The following PDE7B variants were observed in gnomAD, a reference collection of about 807,000 sequenced individuals.
PDE7B encodes the protein phosphodiesterase 7B.
In PDE7B, 29 loss-of-function variants were observed where a neutral mutation model predicts 56.2. The ratio of observed to expected loss-of-function variants is 0.52; its 90% confidence interval spans 0.38 to 0.70. The LOEUF (loss-of-function observed/expected upper bound fraction) is 0.70, where lower values mean the gene tolerates loss of function less well. Ranked by LOEUF, PDE7B falls within the 30% of genes least tolerant of loss-of-function variation. The probability of loss-of-function intolerance (pLI) is 0.00; values close to 1 mark genes in which losing one functional copy is unlikely to be tolerated. For synonymous variants in PDE7B, 197 were observed against 196.9 expected (o/e 1.00, Z 0.00); for missense variants, 490 against 565.0 (o/e 0.87, Z 1.35).
chr6:136,062,250 T>C (rs1776857588), intron 2 of PDE7B, among the ~76,000 whole-genome samples: 1 of 152,172 alleles, frequency 6.6e-6, no homozygotes, highest in Admixed American at 6.5e-5. Flanking sequence ...AAATTGTATA[T>C]GTTTAAAGTA....
At chr6:136,182,184 G>A (rs563763612) in intron 11 of PDE7B, among the ~76,000 whole-genome samples, 2 of 152,306 alleles carry the variant, frequency 1.3e-5, no homozygotes, top group Middle Eastern at 3.4e-3. Flanking sequence ...CAATGACATC[G>A]TGATGGCCCC....
At position 136,186,801 on chromosome 6, in the gene PDE7B, C is replaced by G. The variant is rs118002087; in HGVS notation, c.1046-235C>G. On this transcript the variant is annotated intron_variant, in intron 11 of 12. Coordinates refer to ENST00000308191, the MANE Select transcript of PDE7B (RefSeq NM_018945.4). The stretch of plus-strand genomic sequence containing the variant: ...AGTTTATTCTAGTCCCAGAGCACAC[C>G]TACTAGCAATAAGCCATTATGAACG... Among the ~76,000 whole-genome samples the G allele has an allele frequency of 7.2e-4, 109 of 152,266 alleles. 2 individuals carry two copies. The South Asian group carries it at 1.0e-2, about 14-fold the overall frequency.
intron 2 of PDE7B, among the ~76,000 whole-genome samples, chr6:136,086,740 A>G (rs1777298890): frequency 6.6e-6 from 1 of 152,228 alleles, no homozygotes; most frequent in Admixed American, 6.5e-5. Flanking sequence ...AATGATGCAG[A>G]CATTTTACTC....
chr6:136,138,639 T>G (rs1778257170), intron 3 of PDE7B, among the ~76,000 whole-genome samples: 1 of 152,178 alleles, frequency 6.6e-6, no homozygotes, highest in Non-Finnish European at 1.5e-5. Context: ...CAAATGGCTA[T>G]GTAGCATTGG....
At chr6:136,037,406 A>G (rs1562476180) in intron 2 of PDE7B, 1 of 985,134 alleles carries the variant, frequency 1.0e-6, no homozygotes, top group East Asian at 1.1e-4. Flanking sequence ...CTAATAGGTC[A>G]TAACCCAGAT....
In PDE7B at chr6:135,924,268, AT is replaced by A. The variant is rs1774143077; in HGVS notation, c.22-23193del. On this transcript the variant is annotated intron_variant, in intron 1 of 12. Transcript: ENST00000308191. ...CTTATGACCTAAAAAATTGGAAACAATTTAATTGTTCTGATGTAGAGAAATA... is the reference window on the plus strand; with the variant it reads ...CTTATGACCTAAAAAATTGGAAACAATTAATTGTTCTGATGTAGAGAAATA... Among the ~76,000 whole-genome samples, 7 of 152,306 alleles carry A rather than the reference AT, an allele frequency of 4.6e-5. No homozygotes were observed. The South Asian group carries it at 1.4e-3, about 32-fold the overall frequency.
intron 2 of PDE7B, among the ~76,000 whole-genome samples, chr6:135,984,407 C>T: frequency 6.6e-6 from 1 of 152,052 alleles, no homozygotes; most frequent in Non-Finnish European, 1.5e-5. Context: ...AATAATTTTT[C>T]AAAGTATTGC....
intron 1 of PDE7B, among the ~76,000 whole-genome samples, chr6:135,897,012 C>A (rs1488095247): frequency 1.3e-5 from 2 of 152,172 alleles, no homozygotes; most frequent in Non-Finnish European, 2.9e-5. Flanking sequence ...AAGAAAGACT[C>A]TCTGATACCT....
intron 2 of PDE7B, among the ~76,000 whole-genome samples, chr6:135,960,775 A>T (rs1774885889): frequency 6.6e-6 from 1 of 152,220 alleles, no homozygotes; most frequent in African/African-American, 2.4e-5. Context: ...TGATGCACTG[A>T]ATTCTATCAC....
intron 2 of PDE7B, among the ~76,000 whole-genome samples, chr6:135,956,495 A>T (rs983737577): frequency 3.3e-5 from 5 of 152,050 alleles, no homozygotes; most frequent in Admixed American, 6.6e-5. Flanking sequence ...TTGGTCTGAG[A>T]GGGCTGAGTG....
intron 1 of PDE7B, among the ~76,000 whole-genome samples, chr6:135,878,108 G>T (rs968943210): frequency 1.3e-5 from 2 of 152,180 alleles, no homozygotes; most frequent in African/African-American, 4.8e-5. Context: ...CAAGGGGTAT[G>T]GACAGAGAAC....
intron 9 of PDE7B, 108 bp downstream of exon 9, chr6:136,173,996 C>A: frequency 1.3e-6 from 1 of 748,692 alleles, no homozygotes; most frequent in Non-Finnish European, 2.4e-6. Context: ...AGCCCCCCGG[C>A]TGTACTTCCT....
At chr6:135,994,812 A>G (rs1217421031) in intron 2 of PDE7B, among the ~76,000 whole-genome samples, 2 of 152,234 alleles carry the variant, frequency 1.3e-5, no homozygotes, top group Admixed American at 1.3e-4. Flanking sequence ...GAATTATTAT[A>G]TTAGCATGTA....
At chr6:136,138,667 G>C (rs1023394741) in intron 3 of PDE7B, among the ~76,000 whole-genome samples, 4 of 152,042 alleles carry the variant, frequency 2.6e-5, no homozygotes, top group African/African-American at 9.7e-5. Context: ...TCATTTGCTT[G>C]TTAATTAAAG....
intron 10 of PDE7B, among the ~76,000 whole-genome samples, chr6:136,180,100 T>C (rs1779039113): frequency 6.6e-6 from 1 of 152,208 alleles, no homozygotes; most frequent in South Asian, 2.1e-4. Context: ...GAGCTACACC[T>C]GGAGATTGAA....
At chr6:136,145,156 A>T (rs1253468004) in intron 3 of PDE7B, among the ~76,000 whole-genome samples, 1 of 152,146 alleles carries the variant, frequency 6.6e-6, no homozygotes, top group Non-Finnish European at 1.5e-5. Flanking sequence ...CAGTTGGCAC[A>T]TTCTACAAGG....
chr6:135,900,581 T>C (rs954352792), intron 1 of PDE7B, among the ~76,000 whole-genome samples: 3 of 152,178 alleles, frequency 2.0e-5, no homozygotes, highest in African/African-American at 7.2e-5. Context: ...TGATTTTTTT[T>C]TTCCATTTCT....
At chr6:136,090,152 A>ACAAT (rs1777364140) in intron 2 of PDE7B, among the ~76,000 whole-genome samples, 2 of 152,158 alleles carry the variant, frequency 1.3e-5, no homozygotes, top group African/African-American at 4.8e-5. Flanking sequence ...CATCAGAGAT[A>ACAAT]CAATCAGGGA....
At chr6:136,157,554 G>A (rs1765788138) in intron 8 of PDE7B, among the ~76,000 whole-genome samples, 3 of 152,154 alleles carry the variant, frequency 2.0e-5, no homozygotes, top group South Asian at 4.1e-4. Context: ...CTCCAGCCTG[G>A]GCAACAGAGG....
Sources: gnomAD v4.1 joint callset for allele counts (sites outside exome capture counted in the v4.1 genomes callset) on GRCh38, gnomAD v4.1.1 for gene constraint, MANE v1.5 for transcripts, NCBI Gene and HGNC (gene_info 2026-07-23, HGNC 2026-07-21) for gene names.